Variants in RTL1 observed in about 807,000 individuals in gnomAD.
RTL1 encodes retrotransposon-like protein 1.
For synonymous variants in RTL1, 727 were observed against 748.4 expected (o/e 0.97, Z 0.47); for missense variants, 1,681 against 1,767.5 (o/e 0.95, Z 0.88).
chr14:100,889,570 T>A (rs35881349), intron 3 of RTL1: 22,668 of 152,260 alleles, frequency 0.15, 2,328 homozygotes, highest in Middle Eastern at 0.3. Flanking sequence ...TTCTTTTCTT[T>A]TTTTTGTTTA....
rs1020212998 is a variant in RTL1, at chr14:100,883,447, C to G, written c.1342G>C (p.Val448Leu). Reference sequence around the variant, plus strand: ...GGGTACGGCTTCTCGTAGAGCTCGACGTAGTGCTCTTGGGCGAACTTCTCA... The same window carrying G: ...GGGTACGGCTTCTCGTAGAGCTCGAGGTAGTGCTCTTGGGCGAACTTCTCA... Reference protein sequence around the residue: ...MDEKFAQEHYVELYEKPYPQP... With the variant: ...MDEKFAQEHYLELYEKPYPQP... The change falls in exon 4 of 4, where the codon GTC becomes CTC. Residue 448 changes from valine to leucine, a missense_variant. Physicochemically the swap from Val to Leu is conservative, Grantham distance 32. Coordinates refer to ENST00000649591, the MANE Select transcript of RTL1 (RefSeq NM_001134888.3). This position sits in a 1 kb window ranked among gnomAD's most constrained non-coding sequence, Gnocchi z 5.9. The G allele has an allele frequency of 1.7e-5, 27 of 1,550,878 alleles. No homozygotes were observed. Among genetic ancestry groups the G allele is most frequent in the African/African-American group, 2.7e-5 (2 of 73,040 alleles).
intron 3 of RTL1, among the ~76,000 whole-genome samples, chr14:100,885,424 T>C (rs2038684197): frequency 1.3e-5 from 2 of 152,178 alleles, no homozygotes; most frequent in South Asian, 4.1e-4. Flanking sequence ...AAATGGGCAC[T>C]TGGCCACTGT....
intron 2 of RTL1, among the ~76,000 whole-genome samples, chr14:100,902,836 A>G (rs2038961255): frequency 6.6e-6 from 1 of 152,180 alleles, no homozygotes; most frequent in Non-Finnish European, 1.5e-5. Context: ...CACTTCATAA[A>G]TGCTTGTGGA....
chr14:100,887,443 C>A lies in RTL1; in HGVS notation c.-86-2569G>T, dbSNP rs184074239. 2.6e-5 allele frequency among the ~76,000 whole-genome samples: 4 copies of A among 152,216 alleles called. No homozygotes were observed. The East Asian group carries it at 7.7e-4, about 29-fold the overall frequency. Reference sequence around the variant, plus strand: ...ACTCTACCCAAGACAAAATTTCTGCCATGTTACTGCCTTAAAAATCTCTTA... The same window carrying A: ...ACTCTACCCAAGACAAAATTTCTGCAATGTTACTGCCTTAAAAATCTCTTA... On this transcript the variant is annotated intron_variant, in intron 3 of 3. Transcript: ENST00000649591.
intron 2 of RTL1, among the ~76,000 whole-genome samples, chr14:100,894,091 T>C (rs1252354167): frequency 5.3e-5 from 8 of 151,930 alleles, no homozygotes; most frequent in Admixed American, 5.2e-4. Flanking sequence ...AGGCAGAGCA[T>C]TTGAGGTCAG....
chr14:100,901,400 G>T (rs1288394001), intron 2 of RTL1, among the ~76,000 whole-genome samples: 1 of 152,168 alleles, frequency 6.6e-6, no homozygotes, highest in Non-Finnish European at 1.5e-5. Flanking sequence ...TCTAGCAGAG[G>T]TCCCCTGATA....
chr14:100,890,023 T>C (rs950962224), intron 3 of RTL1, among the ~76,000 whole-genome samples: 7 of 147,940 alleles, frequency 4.7e-5, no homozygotes, highest in African/African-American at 1.8e-4. Context: ...TCAAATCTCA[T>C]GACAGTTTCT....
Position 100,883,982 on chromosome 14 carries a change from G to C in RTL1, c.807C>G (p.Ala269=). ...ACACTTCGGACATGGCCTCCAGGAA[G>C]GCTGGGAAGTCTCCGATCAGGGGGC... ...ENSPLIGDFP[A]FLEAMSEVFE... Residue 269 remains alanine, a synonymous_variant, in exon 4 of 4, where the codon GCC becomes GCG. Coordinates refer to ENST00000649591, the MANE Select transcript of RTL1 (RefSeq NM_001134888.3). The surrounding 1 kb of genome is among the most constrained non-coding windows in gnomAD (Gnocchi z 5.9). 1 of 1,551,702 alleles carries C rather than the reference G, an allele frequency of 6.4e-7. No individual in the cohort carries two copies.
Position 100,883,582 on chromosome 14 carries a change from C to G in RTL1, c.1207G>C (p.Asp403His). The G allele has an allele frequency of 6.4e-7, 1 of 1,551,438 alleles. No homozygotes were observed. The change falls in exon 4 of 4, where the codon GAC (aspartate) becomes CAC (histidine). Residue 403 changes from aspartate to histidine, a missense_variant. Physicochemically the swap from Asp to His is moderately conservative, Grantham distance 81. Coordinates refer to ENST00000649591, the MANE Select transcript of RTL1 (RefSeq NM_001134888.3). The surrounding 1 kb of genome is among the most constrained non-coding windows in gnomAD (Gnocchi z 5.9). ...SSWLPSEVHP[D>H]INRAHLFLLL... The stretch of plus-strand genomic sequence containing the variant: ...AGGAAGAGGTGGGCGCGATTGATGT[C>G]CGGATGGACTTCGCTGGGCAACCAG...
At chr14:100,885,952 G>T (rs1461315462) in intron 3 of RTL1, among the ~76,000 whole-genome samples, 2 of 152,172 alleles carry the variant, frequency 1.3e-5, no homozygotes, top group African/African-American at 4.8e-5. Flanking sequence ...GAGTGTGGGG[G>T]TTGGGGGGAA....
At chr14:100,894,525 G>A (rs2038828796) in intron 2 of RTL1, among the ~76,000 whole-genome samples, 1 of 152,092 alleles carries the variant, frequency 6.6e-6, no homozygotes, top group South Asian at 2.1e-4. Flanking sequence ...AACCCCATGG[G>A]GTTTTTGTCC....
intron 3 of RTL1, among the ~76,000 whole-genome samples, chr14:100,890,602 G>A (rs1379743526): frequency 1.3e-5 from 2 of 152,022 alleles, no homozygotes; most frequent in Non-Finnish European, 2.9e-5. Context: ...CTGGAATGCT[G>A]GCCATGCCTC....
In RTL1 at chr14:100,883,802, C is replaced by A. The variant is rs1294506739; in HGVS notation, c.987G>T (p.Gly329=). The change falls in exon 4 of 4, where the codon GGG becomes GGT. Residue 329 remains glycine (G), a synonymous_variant. Transcript: ENST00000649591. The surrounding 1 kb of genome is among the most constrained non-coding windows in gnomAD (Gnocchi z 5.9). ...DEVLQAHLCQ[G]LNEEIRHYLF... is the part of the protein sequence containing the mutation. ...GATAGTGCCTGATCTCCTCGTTGAG[C>A]CCCTGGCACAAGTGGGCCTGCAGGA... 6.4e-7 allele frequency: 1 copy of A among 1,551,696 alleles called. No individual in the cohort carries two copies. The highest frequency in any genetic ancestry group is 2.4e-5 in the East Asian group (1 of 40,922).
chr14:100,885,993 A>G (rs2038693241), intron 3 of RTL1, among the ~76,000 whole-genome samples: 1 of 152,174 alleles, frequency 6.6e-6, no homozygotes, highest in African/African-American at 2.4e-5. Flanking sequence ...TGACGGTCCC[A>G]GAGTGGATTT....
At chr14:100,885,724 C>G (rs965301026) in intron 3 of RTL1, among the ~76,000 whole-genome samples, 2 of 152,174 alleles carry the variant, frequency 1.3e-5, no homozygotes, top group Admixed American at 1.3e-4. Flanking sequence ...AATCTCCACT[C>G]TCCCAGGACT....
Position 100,882,028 on chromosome 14 carries a change from C to T in RTL1, c.2761G>A (p.Glu921Lys), listed in dbSNP as rs2038622117. ...GCCCGTATTGGAAGAATCTTCATCTCCGCTTGAGAGTACTCAACCTCGATA... is the reference window on the plus strand; with the variant it reads ...GCCCGTATTGGAAGAATCTTCATCTTCGCTTGAGAGTACTCAACCTCGATA... ...SPIEVEYSQAEMKILPIRAAF... is the reference protein window; with the variant it reads ...SPIEVEYSQAKMKILPIRAAF... The change falls in exon 4 of 4, where the codon GAG becomes AAG. Residue 921 changes from glutamate to lysine, a missense_variant. Physicochemically the swap from Glu to Lys is moderately conservative, Grantham distance 56. Coordinates refer to ENST00000649591, the MANE Select transcript of RTL1 (RefSeq NM_001134888.3). 1 of 1,613,658 alleles carries T rather than the reference C, an allele frequency of 6.2e-7. No individual in the cohort carries two copies. Among genetic ancestry groups the T allele is most frequent in the South Asian group, 1.1e-5 (1 of 91,024 alleles).
chr14:100,903,544 C>T (rs1473947718), intron 1 of RTL1, among the ~76,000 whole-genome samples, 61 bp downstream of exon 1: 1 of 152,162 alleles, frequency 6.6e-6, no homozygotes, highest in Non-Finnish European at 1.5e-5. Context: ...ACACTGGTCT[C>T]ATGAGCCCCA....
In RTL1 at chr14:100,880,625, G is replaced by A; in HGVS notation, c.*87C>T. ...GAGTGGCAGGAAGGGAAGCGAAGCA[G>A]GCTGAGGCGCGGGGAGGCCAGGGGA... On this transcript the variant is annotated 3_prime_UTR_variant, in exon 4 of 4. Transcript: ENST00000649591. 1 of 1,517,520 alleles carries A rather than the reference G, an allele frequency of 6.6e-7. No homozygotes were observed. Among genetic ancestry groups the A allele is most frequent in the South Asian group, 1.3e-5 (1 of 77,770 alleles). The allele number at this position is 1,517,520 out of a possible 1,614,324, so 94.0% of individuals were successfully genotyped here.
chr14:100,884,062 T>G lies in RTL1; in HGVS notation c.727A>C (p.Asn243His). The part of the protein sequence containing the change: ...NDRLRVGYVI[N>H]HLSGLALEWA... ...TCTAATGCCAAGCCGGACAGGTGAT[T>G]GATGACATAGCCAACTCTCAGACGG... The change falls in exon 4 of 4, where the codon AAT (asparagine) becomes CAT (histidine). Residue 243 changes from asparagine (N) to histidine (H), a missense_variant. Coordinates refer to ENST00000649591, the MANE Select transcript of RTL1 (RefSeq NM_001134888.3). 6.4e-7 allele frequency: 1 copy of G among 1,551,696 alleles called. No individual in the cohort carries two copies. The highest frequency in any genetic ancestry group is 8.7e-7 in the Non-Finnish European group (1 of 1,147,000).
Sources: gnomAD v4.1 joint callset for allele counts (sites outside exome capture counted in the v4.1 genomes callset) on GRCh38, gnomAD v4.1.1 for gene constraint, Gnocchi (gnomAD v3.1) non-coding constraint, MANE v1.5 for transcripts, NCBI Gene and HGNC (gene_info 2026-07-23, HGNC 2026-07-21) for gene names.